MEGF6: variants seen among roughly 807,000 people sequenced by gnomAD.
MEGF6 encodes multiple EGF like domains 6.
A neutral mutation model predicts 207.1 loss-of-function variants in MEGF6; 184 were observed. The ratio of observed to expected loss-of-function variants is 0.89; its 90% CI spans 0.79 to 1.00. MEGF6 has a LOEUF of 1.00. Ranked by LOEUF, MEGF6 falls within the 50% of genes least tolerant of loss-of-function variation. The probability of loss-of-function intolerance (pLI) is 0.00; values close to 1 mark genes in which losing one functional copy is unlikely to be tolerated. For synonymous variants in MEGF6, 1,038 were observed against 910.0 expected, an observed-to-expected ratio of 1.14 and a Z score of -2.53; for missense variants, 2,282 against 2,202.9, an observed-to-expected ratio of 1.04 and a Z score of -0.72.
chr1:3,511,431 C>T, intron 9 of MEGF6, 119 bp downstream of exon 9: 1 of 1,285,056 alleles, frequency 7.8e-7, no homozygotes, highest in Admixed American at 2.7e-5. Flanking sequence ...GGCAGCCAGA[C>T]CAGGACTCAG....
At chr1:3,596,201 G>A (rs1644062215) in intron 2 of MEGF6, among the ~76,000 whole-genome samples, 1 of 152,022 alleles carries the variant, frequency 6.6e-6, no homozygotes, top group Admixed American at 6.5e-5. Context: ...GCTGGCTCCT[G>A]CTCAGATGGG....
At chr1:3,510,189 G>A (rs2101037784) in intron 10 of MEGF6, among the ~76,000 whole-genome samples, 197 bp from the exon 11 acceptor site, 1 of 152,270 alleles carries the variant, frequency 6.6e-6, no homozygotes, top group African/African-American at 2.4e-5. Flanking sequence ...CAGGGTCAGA[G>A]CCATGGCAGA....
intron 4 of MEGF6, among the ~76,000 whole-genome samples, chr1:3,542,008 GGCACCGAGAAGGAAGAGC>G (rs1642541924): frequency 6.6e-6 from 1 of 152,224 alleles, no homozygotes. Context: ...AGCCGGGTCC[GGCACCGAGAAGGAAGAGC>G]TGCCACTTCC....
chr1:3,531,832 C>T (rs1271677772), intron 4 of MEGF6, among the ~76,000 whole-genome samples: 1 of 129,806 alleles, frequency 7.7e-6, no homozygotes, highest in South Asian at 2.7e-4. Context: ...AGGGGGGCCG[C>T]GGGGCGGGGG....
At chr1:3,591,358 G>A (rs1346543361) in intron 3 of MEGF6, among the ~76,000 whole-genome samples, 2 of 152,172 alleles carry the variant, frequency 1.3e-5, no homozygotes, top group Non-Finnish European at 2.9e-5. Flanking sequence ...CTTGGCCAAG[G>A]GATGCCAAGA....
At chr1:3,584,513 G>A (rs1383804781) in intron 3 of MEGF6, among the ~76,000 whole-genome samples, 1 of 152,182 alleles carries the variant, frequency 6.6e-6, no homozygotes, top group Non-Finnish European at 1.5e-5. Flanking sequence ...GCTGGAGCAG[G>A]GGCAGTGCAC....
intron 3 of MEGF6, among the ~76,000 whole-genome samples, chr1:3,584,898 A>C (rs969832804): frequency 7.2e-5 from 11 of 152,232 alleles, no homozygotes; most frequent in Non-Finnish European, 1.0e-4. Context: ...TGGGGACTCT[A>C]AGGCGTCACG....
chr1:3,580,415 C>G (rs1011540707), intron 3 of MEGF6, among the ~76,000 whole-genome samples: 5 of 152,190 alleles, frequency 3.3e-5, no homozygotes, highest in Non-Finnish European at 7.4e-5. Flanking sequence ...CAGTCAGACC[C>G]CAGGGAGGGG....
chr1:3,510,926 C>G, intron 9 of MEGF6, 24 bp from the exon 10 acceptor site: 1 of 1,585,080 alleles, frequency 6.3e-7, no homozygotes. Flanking sequence ...GCCACGGGCC[C>G]CCTGGTACCA....
rs763514102 is a variant in MEGF6 at position 3,499,141 on chromosome 1, G to T, written c.3091C>A (p.Gln1031Lys). The T allele has an allele frequency of 1.1e-5, 17 of 1,603,964 alleles. No homozygotes were observed. The highest frequency in any genetic ancestry group is 1.3e-5 in the Non-Finnish European group (15 of 1,176,790). Residue 1031 changes from glutamine to lysine, a missense_variant, in exon 24 of 37, where the codon CAG becomes AAG. By Grantham distance (53) the Gln-to-Lys change is moderately conservative. Transcript: ENST00000356575. ...TGGACTCCTAGATGTGGCTTACCCT[G>T]CAGGCAGGAGGGCCCCATCCAGCCA... ...APGWMGPSCL[Q>K]ACPAGLYGDN...
At chr1:3,513,577 CTTTTT>C (rs757815891) in intron 7 of MEGF6, among the ~76,000 whole-genome samples, 1 of 56,540 alleles carries the variant, frequency 1.8e-5, no homozygotes. Flanking sequence ...CACACCTGGG[CTTTTT>C]TTTTTTTTTT....
At chr1:3,509,285 C>T in intron 11 of MEGF6, 40 bp from the exon 12 acceptor site, 2 of 1,389,762 alleles carry the variant, frequency 1.4e-6, no homozygotes, top group Non-Finnish European at 1.9e-6. Flanking sequence ...CTGCCACCCA[C>T]CTGCCTGCTC....
chr1:3,531,803 C>T (rs1642184808), intron 4 of MEGF6, among the ~76,000 whole-genome samples: 1 of 150,612 alleles, frequency 6.6e-6, no homozygotes, highest in East Asian at 1.9e-4. Context: ...GCCGTCCTGG[C>T]CGGGCCGCGG....
chr1:3,580,365 G>A (rs1032130266), intron 3 of MEGF6, among the ~76,000 whole-genome samples: 8 of 152,196 alleles, frequency 5.3e-5, no homozygotes, highest in Non-Finnish European at 8.8e-5. Context: ...GAACCTACTA[G>A]GTTGGCCCCA....
At chr1:3,602,727 A>T in intron 1 of MEGF6, 127 bp from the exon 2 acceptor site, 1 of 1,347,660 alleles carries the variant, frequency 7.4e-7, no homozygotes, top group Non-Finnish European at 9.9e-7. Flanking sequence ...CCAGGCCTCC[A>T]CGGCACAGTG....
intron 4 of MEGF6, among the ~76,000 whole-genome samples, chr1:3,545,138 G>T (rs1272881717): frequency 6.6e-6 from 1 of 152,154 alleles, no homozygotes; most frequent in Non-Finnish European, 1.5e-5. Flanking sequence ...GCCGGGGAAG[G>T]TGCCTGTGTC....
In MEGF6 at chr1:3,525,476, A is replaced by G. The variant is rs372527314; in HGVS notation, c.482-1230T>C. ...TCCAAGGCCACAGACACCTCGCAGG[A>G]CCCTTGTCCCTCCCACTGCTTACCA... On this transcript the variant is annotated intron_variant, in intron 4 of 36. Transcript: ENST00000356575. Among the ~76,000 whole-genome samples, 124 of 152,328 alleles carry G rather than the reference A, an allele frequency of 8.1e-4. 2 individuals carry two copies. The highest frequency in any genetic ancestry group is 2.7e-3 in the African/African-American group (112 of 41,580).
chr1:3,503,696 T>C (rs1640993926), intron 17 of MEGF6, among the ~76,000 whole-genome samples: 1 of 146,874 alleles, frequency 6.8e-6, no homozygotes, highest in Non-Finnish European at 1.5e-5. Context: ...AGTGTGTGCA[T>C]GTATGTGTGT....
In MEGF6 at chr1:3,520,463, G is replaced by A. The variant is rs1641702358; in HGVS notation, c.604+3661C>T. ...TACATCACCGGGGAAGGCAAGGGCG[G>A]GCTCAGGTTTAGGGGCTGAGAATGA... On this transcript the variant is annotated intron_variant, in intron 5 of 36. Transcript: ENST00000356575. Among the ~76,000 whole-genome samples the A allele has an allele frequency of 2.6e-5, 4 of 152,330 alleles. No homozygotes were observed. The South Asian group carries it at 8.3e-4, about 32-fold the overall frequency.
Sources: allele counts gnomAD v4.1 joint callset (sites outside exome capture counted in the v4.1 genomes callset), GRCh38; gene constraint gnomAD v4.1.1; transcripts MANE v1.5; gene names NCBI Gene and HGNC (gene_info 2026-07-23, HGNC 2026-07-21).